RIMS1: variants seen among roughly 807,000 people sequenced by gnomAD.
The protein encoded by RIMS1 is regulating synaptic membrane exocytosis protein 1.
Under a neutral mutation model 214.1 loss-of-function variants are expected in RIMS1, and 83 were observed. The ratio of observed to expected loss-of-function variants is 0.39; its 90% CI spans 0.32 to 0.47. RIMS1 has a LOEUF of 0.47. Among genes scored for constraint, RIMS1 ranks in the 20% least tolerant of loss-of-function variants. The pLI is 0.99. For missense variants in RIMS1, 2,050 were observed against 2,161.8 expected, an observed-to-expected ratio of 0.95 and a Z score of 1.03; for synonymous variants, 793 against 786.8, an observed-to-expected ratio of 1.01 and a Z score of -0.13.
chr6:72,028,778 G>A (rs555449072), intron 2 of RIMS1, among the ~76,000 whole-genome samples: 1 of 152,160 alleles, frequency 6.6e-6, no homozygotes, highest in Non-Finnish European at 1.5e-5. Context: ...CAAACATACA[G>A]ACTCTTAAAA....
intron 4 of RIMS1, among the ~76,000 whole-genome samples, chr6:72,130,652 T>C (rs1739293008): frequency 6.6e-6 from 1 of 152,290 alleles, no homozygotes; most frequent in African/African-American, 2.4e-5. Context: ...TATCTTTTCT[T>C]CCACCAACAC....
chr6:72,038,585 A>T (rs1428093387), intron 2 of RIMS1, among the ~76,000 whole-genome samples: 1 of 152,142 alleles, frequency 6.6e-6, no homozygotes, highest in East Asian at 1.9e-4. Flanking sequence ...GTTTTAAAAC[A>T]AATGTTTACT....
intron 6 of RIMS1, among the ~76,000 whole-genome samples, chr6:72,230,509 C>T (rs978963650): frequency 2.0e-5 from 3 of 151,516 alleles, no homozygotes; most frequent in Admixed American, 6.6e-5. Context: ...CATGCTCAAT[C>T]GTGCCTGTAT....
At chr6:72,306,605 G>A (rs1280506131) in intron 26 of RIMS1, among the ~76,000 whole-genome samples, 1 of 152,108 alleles carries the variant, frequency 6.6e-6, no homozygotes, top group Non-Finnish European at 1.5e-5. Flanking sequence ...AAATTAAAGG[G>A]CTGAAAGTCA....
At chr6:72,176,074 A>G (rs2047660111) in intron 4 of RIMS1, among the ~76,000 whole-genome samples, 1 of 152,198 alleles carries the variant, frequency 6.6e-6, no homozygotes, top group African/African-American at 2.4e-5. Flanking sequence ...ACTTCACGAT[A>G]GTATTTGAAT....
intron 28 of RIMS1, among the ~76,000 whole-genome samples, chr6:72,324,053 T>C (rs2096313048): frequency 1.3e-5 from 2 of 151,478 alleles, no homozygotes; most frequent in African/African-American, 2.4e-5. Flanking sequence ...GATAGATAGA[T>C]AGATAGATAG....
chr6:71,917,324 G>A (rs908374784), intron 1 of RIMS1, among the ~76,000 whole-genome samples: 1 of 152,154 alleles, frequency 6.6e-6, no homozygotes, highest in Non-Finnish European at 1.5e-5. Flanking sequence ...AGGTAGGATT[G>A]TCAGGAAAGC....
At chr6:72,220,954 TA>T (rs918684738) in intron 6 of RIMS1, among the ~76,000 whole-genome samples, 1 of 152,072 alleles carries the variant, frequency 6.6e-6, no homozygotes, top group Admixed American at 6.6e-5. Context: ...AATTAAGACA[TA>T]AAAGTGATGG....
intron 24 of RIMS1, 138 bp downstream of exon 24, chr6:72,284,256 CT>C (rs1418384242): frequency 8.4e-6 from 5 of 594,832 alleles, no homozygotes; most frequent in Non-Finnish European, 1.4e-5. Context: ...AAACCTACCC[CT>C]AAATGGAAAT....
chr6:71,890,059 A>G (rs1562126286), intron 1 of RIMS1, among the ~76,000 whole-genome samples: 1 of 152,208 alleles, frequency 6.6e-6, no homozygotes, highest in African/African-American at 2.4e-5. Flanking sequence ...TGATGGATGA[A>G]TATGTGAAAC....
At chr6:71,930,676 C>T (rs1429435391) in intron 1 of RIMS1, among the ~76,000 whole-genome samples, 1 of 152,030 alleles carries the variant, frequency 6.6e-6, no homozygotes, top group Non-Finnish European at 1.5e-5. Flanking sequence ...TATGATTTCC[C>T]TTGTCTTTGA....
chr6:72,123,763 A>G (rs1053855004), intron 4 of RIMS1, among the ~76,000 whole-genome samples: 5 of 151,650 alleles, frequency 3.3e-5, no homozygotes, highest in Non-Finnish European at 7.4e-5. Context: ...TGTCAGTTTA[A>G]AGTCTGTTTT....
At chr6:72,074,950 C>A (rs944093478) in intron 2 of RIMS1, among the ~76,000 whole-genome samples, 7 of 151,998 alleles carry the variant, frequency 4.6e-5, no homozygotes, top group African/African-American at 1.7e-4. Context: ...TTTTTTATTT[C>A]TTTTTAATTA....
chr6:72,266,042 C>T lies in RIMS1; in HGVS notation c.3391C>T (p.Arg1131Ter). The T allele has an allele frequency of 2.5e-6, 4 of 1,570,954 alleles. No homozygotes were observed. The highest frequency in any genetic ancestry group is 3.5e-6 in the Non-Finnish European group (4 of 1,155,038). ...AGATACTAGTTTGCATTCACCAGAACGAGAAAGGTATAAAATAAAGACTTT... is the reference window on the plus strand; with the variant it reads ...AGATACTAGTTTGCATTCACCAGAATGAGAAAGGTATAAAATAAAGACTTT... ...RPDTSLHSPE[R>*]ERGRWSPSLD... Residue 1131 changes from arginine (R) to a stop codon, truncating the protein, a stop_gained, in exon 22 of 34, where the codon CGA becomes TGA. Coordinates refer to ENST00000521978, the MANE Select transcript of RIMS1 (RefSeq NM_014989.7). LOFTEE classifies it high-confidence loss of function.
chr6:71,934,734 T>C (rs143538942), intron 1 of RIMS1, among the ~76,000 whole-genome samples: 362 of 152,258 alleles, frequency 2.4e-3, no homozygotes, highest in African/African-American at 8.5e-3. Flanking sequence ...TTGGACTCAG[T>C]CTCCTAGGAA....
intron 4 of RIMS1, among the ~76,000 whole-genome samples, chr6:72,116,559 T>C (rs1442980425): frequency 6.6e-6 from 1 of 151,988 alleles, no homozygotes; most frequent in Non-Finnish European, 1.5e-5. Flanking sequence ...TTAATCATCT[T>C]AATTTCCCTA....
chr6:72,260,968 C>A (rs2077711478), intron 19 of RIMS1: 1 of 1,356,494 alleles, frequency 7.4e-7, no homozygotes, highest in East Asian at 3.2e-5. Flanking sequence ...GACTGCTTTG[C>A]CATCTGTAGA....
chr6:72,385,020 G>A (rs865923881), intron 29 of RIMS1, among the ~76,000 whole-genome samples: 1 of 152,076 alleles, frequency 6.6e-6, no homozygotes, highest in Non-Finnish European at 1.5e-5. Context: ...TCCGGAACAC[G>A]GGTGAAATAT....
At chr6:72,229,853 G>A (rs1562819243) in intron 6 of RIMS1, among the ~76,000 whole-genome samples, 1 of 151,766 alleles carries the variant, frequency 6.6e-6, no homozygotes, top group Non-Finnish European at 1.5e-5. Flanking sequence ...AACTAAAACA[G>A]TATTTAACTC....
Sources: gnomAD v4.1 joint callset for allele counts (sites outside exome capture counted in the v4.1 genomes callset) on GRCh38, gnomAD v4.1.1 for gene constraint, MANE v1.5 for transcripts, NCBI Gene and HGNC (gene_info 2026-07-23, HGNC 2026-07-21) for gene names.